Variants in NBEA observed in about 807,000 individuals in gnomAD.
The protein encoded by NBEA is neurobeachin, also known as lysosomal-trafficking regulator 2.
Under a neutral mutation model 343.4 loss-of-function variants are expected in NBEA, and 44 were observed. The observed-to-expected ratio is 0.13, with a 90% CI of 0.10 to 0.16. The LOEUF is 0.16. Ranked by LOEUF, NBEA falls within the 10% of genes least tolerant of loss-of-function variation. NBEA has a pLI of 1.00. For missense variants in NBEA, 2,555 were observed against 3,631.3 expected (o/e 0.70, Z 7.62); for synonymous variants, 1,175 against 1,238.7 (o/e 0.95, Z 1.08).
chr13:35,596,083 TGTGTGC>T (rs558926870), intron 47 of NBEA, among the ~76,000 whole-genome samples: 5 of 151,908 alleles, frequency 3.3e-5, no homozygotes, highest in Admixed American at 2.0e-4. Context: ...GTTTAATGTG[TGTGTGC>T]GTGTGCGTGT....
chr13:35,360,350 T>C (rs984398853), intron 38 of NBEA, among the ~76,000 whole-genome samples: 2 of 152,028 alleles, frequency 1.3e-5, no homozygotes, highest in Non-Finnish European at 2.9e-5. Flanking sequence ...TGAAAGAACT[T>C]GTCTGAACCT....
chr13:35,621,174 T>G (rs433928), intron 48 of NBEA, among the ~76,000 whole-genome samples: 141,478 of 152,168 alleles, frequency 0.93, 65,969 homozygotes, highest in East Asian at 1. Context: ...GCAGGAGAGA[T>G]ATTAGACTAT....
chr13:35,473,860 T>C (rs2075755628), intron 41 of NBEA, among the ~76,000 whole-genome samples: 1 of 152,224 alleles, frequency 6.6e-6, no homozygotes, highest in South Asian at 2.1e-4. Flanking sequence ...CTTTGTTAAG[T>C]TCATTTCCTC....
Position 35,277,783 on chromosome 13 carries a change from A to G in NBEA, c.5777-12606A>G, listed in dbSNP as rs981081716. On this transcript the variant is annotated intron_variant, in intron 34 of 58. Coordinates refer to ENST00000379939, the MANE Select transcript of NBEA (RefSeq NM_001385012.1). Reference sequence around the variant, plus strand: ...TTGAAAAAAATTTGAATAGAAAGGGACAAAATTAAAATATGATTTAGAGTC... The same window carrying G: ...TTGAAAAAAATTTGAATAGAAAGGGGCAAAATTAAAATATGATTTAGAGTC... 1.3e-5 allele frequency among the ~76,000 whole-genome samples: 2 copies of G among 151,964 alleles called. 1 individual carries two copies. The highest frequency in any genetic ancestry group is 2.9e-5 in the Non-Finnish European group (2 of 67,996).
At chr13:35,363,073 A>G (rs895258066) in intron 38 of NBEA, among the ~76,000 whole-genome samples, 1 of 151,876 alleles carries the variant, frequency 6.6e-6, no homozygotes, top group Admixed American at 6.6e-5. Context: ...TTTATGGTGG[A>G]TGTGCACTGC....
intron 17 of NBEA, among the ~76,000 whole-genome samples, chr13:35,138,935 CTG>C (rs1262701711): frequency 6.6e-6 from 1 of 151,522 alleles, no homozygotes; most frequent in Non-Finnish European, 1.5e-5. Context: ...AGTAATTAAT[CTG>C]TATATAAAAT....
chr13:35,665,241 C>G, intron 56 of NBEA, 55 bp downstream of exon 56: 2 of 1,375,910 alleles, frequency 1.5e-6, no homozygotes, highest in Non-Finnish European at 2.0e-6. Context: ...TTTTCTCACA[C>G]TAAGCGTGAT....
intron 24 of NBEA, among the ~76,000 whole-genome samples, chr13:35,165,878 T>C (rs1456231045): frequency 1.3e-5 from 2 of 151,978 alleles, no homozygotes; most frequent in Middle Eastern, 3.2e-3. Context: ...AGTTATGGGG[T>C]TTCACTATGT....
chr13:35,426,404 T>A (rs1411211268), intron 38 of NBEA, among the ~76,000 whole-genome samples: 2 of 152,332 alleles, frequency 1.3e-5, no homozygotes, highest in East Asian at 1.9e-4. Context: ...CCTTCACTTA[T>A]GAAGCTTAGT....
rs543247260 is a variant in NBEA, at chr13:35,125,551, A to G, written c.2336+1977A>G. 2.6e-5 allele frequency among the ~76,000 whole-genome samples: 4 copies of G among 152,304 alleles called. No individual in the cohort carries two copies. In the South Asian group the frequency reaches 8.3e-4, roughly 32 times the overall value. ...GCAAGCAGTCTATCTCTGTGGCTAT[A>G]GAGAAAGGAAAGTTTGTGGATTGTG... On this transcript the variant is annotated intron_variant, in intron 17 of 58. Transcript: ENST00000379939.
chr13:35,596,218 G>A (rs1353341698), intron 47 of NBEA, among the ~76,000 whole-genome samples: 2 of 151,902 alleles, frequency 1.3e-5, no homozygotes, highest in African/African-American at 4.8e-5. Flanking sequence ...TAAGACTTTT[G>A]GGTAATAACT....
chr13:34,994,571 C>T (rs1201588254), intron 1 of NBEA, among the ~76,000 whole-genome samples: 2 of 152,078 alleles, frequency 1.3e-5, no homozygotes, highest in Non-Finnish European at 2.9e-5. Context: ...TTTTCAGATA[C>T]AATTTACCAT....
At chr13:35,114,319 C>A (rs756135829) in intron 13 of NBEA, among the ~76,000 whole-genome samples, 9 of 152,026 alleles carry the variant, frequency 5.9e-5, no homozygotes, top group Admixed American at 1.3e-4. Context: ...TTAAATTTGC[C>A]GCTTTCTTCT....
intron 10 of NBEA, among the ~76,000 whole-genome samples, chr13:35,089,058 T>C (rs1255688514): frequency 2.0e-5 from 2 of 100,334 alleles, no homozygotes; most frequent in African/African-American, 7.7e-5. Context: ...AATTGACAAA[T>C]GGGATCTAAT....
intron 49 of NBEA, among the ~76,000 whole-genome samples, chr13:35,639,760 A>T (rs1427325519): frequency 6.6e-6 from 1 of 152,092 alleles, no homozygotes; most frequent in Admixed American, 6.5e-5. Context: ...GATATTTTGC[A>T]TTGTGGGTAC....
At chr13:34,981,977 C>G (rs989772520) in intron 1 of NBEA, among the ~76,000 whole-genome samples, 15 of 151,704 alleles carry the variant, frequency 9.9e-5, no homozygotes, top group Non-Finnish European at 1.8e-4. Context: ...CTCTCTGTCT[C>G]TTAAGCTTAT....
At chr13:35,432,992 A>T (rs566928707) in intron 39 of NBEA, among the ~76,000 whole-genome samples, 38 of 152,154 alleles carry the variant, frequency 2.5e-4, no homozygotes, top group African/African-American at 8.9e-4. Flanking sequence ...AAATCTTGTT[A>T]TAAGCTGCCA....
intron 33 of NBEA, among the ~76,000 whole-genome samples, chr13:35,228,762 C>T (rs990469536): frequency 1.3e-5 from 2 of 152,026 alleles, no homozygotes; most frequent in Non-Finnish European, 2.9e-5. Context: ...AGTCATCAAT[C>T]AAGCATCTTA....
chr13:35,314,806 T>C (rs1187631335), intron 36 of NBEA, among the ~76,000 whole-genome samples: 2 of 152,208 alleles, frequency 1.3e-5, no homozygotes, highest in East Asian at 3.9e-4. Flanking sequence ...TTTACTTTTG[T>C]TATTACATAT....
Sources: gnomAD v4.1 joint callset for allele counts (sites outside exome capture counted in the v4.1 genomes callset) on GRCh38, gnomAD v4.1.1 for gene constraint, MANE v1.5 for transcripts, NCBI Gene and HGNC (gene_info 2026-07-23, HGNC 2026-07-21) for gene names.